Variants in DIABLO observed in about 807,000 individuals in gnomAD.
The protein encoded by DIABLO is diablo homolog, mitochondrial.
Under a neutral mutation model 31.7 loss-of-function variants are expected in DIABLO, and 32 were observed. The observed-to-expected ratio is 1.01, with a 90% CI of 0.76 to 1.35. The LOEUF is 1.35. DIABLO is among the 40% of genes most tolerant of loss of function. The pLI is 0.00. For missense variants in DIABLO, 316 were observed against 286.4 expected (o/e 1.10, Z -0.75); for synonymous variants, 132 against 103.2 (o/e 1.28, Z -1.69).
chr12:122,214,656 A>G (rs1954164621), intron 5 of DIABLO, among the ~76,000 whole-genome samples: 1 of 152,030 alleles, frequency 6.6e-6, no homozygotes, highest in Non-Finnish European at 1.5e-5. Context: ...GGCTCCAGCA[A>G]TCTGCCTGCC....
At position 122,208,565 on chromosome 12, in the gene DIABLO, G is replaced by C. The variant is rs973478698; in HGVS notation, c.536C>G (p.Ala179Gly). Reference protein sequence around the residue: ...EAAYQTGADQASITARNHIQL... With the variant: ...EAAYQTGADQGSITARNHIQL... ...AATGTGATTCCTGGCGGTTATAGAGGCCTGATCTGCGCCTGCCAAAAGATG... is the reference window on the plus strand; with the variant it reads ...AATGTGATTCCTGGCGGTTATAGAGCCCTGATCTGCGCCTGCCAAAAGATG... Residue 179 changes from alanine (A) to glycine (G), a missense_variant, in exon 6 of 6, where the codon GCC (alanine) becomes GGC (glycine). Coordinates refer to ENST00000464942, the MANE Select transcript of DIABLO (RefSeq NM_001371333.1). 3.7e-6 allele frequency: 6 copies of C among 1,612,768 alleles called. No homozygotes were observed. The highest frequency in any genetic ancestry group is 1.7e-5 in the Admixed American group (1 of 59,998).
chr12:122,217,896 C>A lies in DIABLO; in HGVS notation c.315+370G>T, dbSNP rs114498013. ...CACAGAGCAACCTCTGTTGATGGAC[C>A]ACAGGCCCCTGTGCCCTTAACTGAA... On this transcript the variant is annotated intron_variant, in intron 3 of 5. Transcript: ENST00000464942. The A allele has an allele frequency of 4.3e-3, 1,137 of 265,420 alleles. 13 individuals carry two copies. The highest frequency in any genetic ancestry group is 0.024 in the African/African-American group (1,074 of 44,284). 16.4% of individuals were successfully genotyped at this position (265,420 alleles called of 1,614,324 possible). A position where few individuals can be genotyped will look rare whatever the true frequency, so the allele number is the denominator to read the frequency against.
chr12:122,224,417 G>A, intron 2 of DIABLO, 95 bp downstream of exon 2: 1 of 1,600,828 alleles, frequency 6.2e-7, no homozygotes, highest in Non-Finnish European at 8.5e-7. Context: ...GGAGCACTGG[G>A]AAAAACTATG....
chr12:122,212,546 T>A (rs116220208), intron 5 of DIABLO, among the ~76,000 whole-genome samples: 1,967 of 152,118 alleles, frequency 0.013, 39 homozygotes, highest in African/African-American at 0.045. Context: ...GTAGGTAATC[T>A]ATTTTTTCTT....
chr12:122,225,533 C>G (rs1188349413), intron 1 of DIABLO: 5 of 1,092,962 alleles, frequency 4.6e-6, no homozygotes, highest in Non-Finnish European at 5.6e-6. Flanking sequence ...CGCCCAGGAG[C>G]CTGCAGCGCT....
At position 122,216,666 on chromosome 12, in the gene DIABLO, A is replaced by AC. The variant is rs1954219072; in HGVS notation, c.427-83dup. The AC allele has an allele frequency of 4.7e-5, 72 of 1,547,506 alleles. No homozygotes were observed. The South Asian group carries it at 7.8e-4, about 17-fold the overall frequency. ...GGACTTAAAGTAGTAGATTTAGAGAACACTGATTATATTGATTAGACTTAA... is the reference window on the plus strand; with the variant it reads ...GGACTTAAAGTAGTAGATTTAGAGAACCACTGATTATATTGATTAGACTTAA... On this transcript the variant is annotated intron_variant, in intron 4 of 5. Coordinates refer to ENST00000464942, the MANE Select transcript of DIABLO (RefSeq NM_001371333.1).
chr12:122,218,148 C>T (rs1954255491), intron 3 of DIABLO, 118 bp downstream of exon 3: 1 of 1,265,596 alleles, frequency 7.9e-7, no homozygotes, highest in Non-Finnish European at 1.1e-6. Context: ...AACACATAAA[C>T]AAATAGGCCT....
chr12:122,208,865 C>T (rs1380293678), intron 5 of DIABLO: 9 of 494,012 alleles, frequency 1.8e-5, no homozygotes, highest in African/African-American at 9.8e-5. Context: ...GCTTTTAGTA[C>T]AGACCTTTGA....
intron 3 of DIABLO, chr12:122,217,180 A>G (rs1954233846): frequency 4.8e-5 from 17 of 357,286 alleles, no homozygotes; most frequent in South Asian, 3.7e-4. Context: ...CAAATGCACA[A>G]ATGAGACTTC....
chr12:122,218,804 G>A (rs1310101716), intron 2 of DIABLO: 7 of 275,732 alleles, frequency 2.5e-5, no homozygotes, highest in Admixed American at 5.0e-5. Context: ...TAGCTGGGCC[G>A]TAGTGGTGTG....
Position 122,224,785 on chromosome 12 carries a change from A to T in DIABLO, c.51-141T>A, listed in dbSNP as rs1240082935. On this transcript the variant is annotated intron_variant, in intron 1 of 5. Coordinates refer to ENST00000464942, the MANE Select transcript of DIABLO (RefSeq NM_001371333.1). ...TGCAGGACAGCTGAGGGGTTTTGAA[A>T]TTTTCAACATACACCAAGTTTAAAA... 1.9e-6 allele frequency: 3 copies of T among 1,567,052 alleles called. No individual in the cohort carries two copies. The African/African-American group carries it at 4.1e-5, about 21-fold the overall frequency.
intron 1 of DIABLO, chr12:122,225,152 G>A (rs1365196006): frequency 1.0e-5 from 3 of 294,784 alleles, no homozygotes; most frequent in East Asian, 8.8e-5. Flanking sequence ...GGCAGAGGTT[G>A]CAGTGAGCCG....
intron 5 of DIABLO, among the ~76,000 whole-genome samples, chr12:122,210,695 A>G (rs1954066896): frequency 6.6e-6 from 1 of 151,970 alleles, no homozygotes; most frequent in South Asian, 2.1e-4. Flanking sequence ...TCAACTTTTT[A>G]AATGATTTTG....
rs1954451407 is a variant in DIABLO, at chr12:122,225,810, C to T, written c.50+155G>A. On this transcript the variant is annotated intron_variant, in intron 1 of 5. Transcript: ENST00000464942. ...ACCCAGGGGGCGGAGGCGGGGCTGT[C>T]CTCAGTCCTCCCGACCGGAGCGAGA... The T allele has an allele frequency of 1.1e-5, 17 of 1,489,908 alleles. No individual in the cohort carries two copies. In the Admixed American group the frequency reaches 3.6e-4, roughly 32 times the overall value. 92.3% of individuals were successfully genotyped at this position (1,489,908 alleles called of 1,614,324 possible). A position where few individuals can be genotyped will look rare whatever the true frequency, so the allele number is the denominator to read the frequency against.
In DIABLO at chr12:122,209,367, GAAA is replaced by G. The variant is rs890433073; in HGVS notation, c.524-793_524-791del. ...GACAGACTCCGTCTCAAAAAAAAAAGAAAAAAAGAAAAAAGGCTGGGTGCAGTG... is the reference window on the plus strand; with the variant it reads ...GACAGACTCCGTCTCAAAAAAAAAAGAAAAGAAAAAAGGCTGGGTGCAGTG... On this transcript the variant is annotated intron_variant, in intron 5 of 5. Transcript: ENST00000464942. Among the ~76,000 whole-genome samples the G allele has an allele frequency of 3.8e-5, 5 of 130,780 alleles. No homozygotes were observed. In the South Asian group the frequency reaches 1.1e-3, roughly 28 times the overall value. 85.8% of individuals were successfully genotyped at this position (130,780 alleles called of 152,430 possible). A position where few individuals can be genotyped will look rare whatever the true frequency, so the allele number is the denominator to read the frequency against.
chr12:122,225,884 G>C, intron 1 of DIABLO, 81 bp downstream of exon 1: 1 of 1,544,004 alleles, frequency 6.5e-7, no homozygotes, highest in Non-Finnish European at 8.7e-7. Flanking sequence ...AAGGAAGGCG[G>C]GCGCCGTGGG....
rs561284957 is a variant in DIABLO, at chr12:122,220,254, G to A, written c.184-1857C>T. 5.3e-5 allele frequency among the ~76,000 whole-genome samples: 8 copies of A among 151,924 alleles called. No homozygotes were observed. The East Asian group carries it at 1.6e-3, about 30-fold the overall frequency. On this transcript the variant is annotated intron_variant, in intron 2 of 5. Coordinates refer to ENST00000464942, the MANE Select transcript of DIABLO (RefSeq NM_001371333.1). Reference sequence around the variant, plus strand: ...AGCCACCATGCCCACCCTGACCTCAGCTATTTTAAAAAAGGAAAGACTAAT... The same window carrying A: ...AGCCACCATGCCCACCCTGACCTCAACTATTTTAAAAAAGGAAAGACTAAT...
chr12:122,208,507 G>A lies in DIABLO; in HGVS notation c.594C>T (p.His198=), dbSNP rs368429160. The A allele has an allele frequency of 1.3e-5, 21 of 1,614,086 alleles. No homozygotes were observed. Among genetic ancestry groups the A allele is most frequent in the Non-Finnish European group, 1.7e-5 (20 of 1,180,042 alleles). ...QLVKLQVEEV[H]QLSRKAETKL... ...TGGTTTCTGCTTTCCGGGAGAGCTG[G>A]TGCACCTCTTCCACCTGCAGTTTCA... is the stretch of plus-strand genomic sequence containing the variant. Residue 198 remains histidine, a synonymous_variant, in exon 6 of 6, where the codon CAC becomes CAT. Transcript: ENST00000464942.
chr12:122,207,749 G>A lies in DIABLO; in HGVS notation c.*632C>T, dbSNP rs1234766468. 2 of 486,334 alleles carry A rather than the reference G, an allele frequency of 4.1e-6. No homozygotes were observed. Among genetic ancestry groups the A allele is most frequent in the African/African-American group, 3.9e-5 (2 of 51,272 alleles). The allele number at this position is 486,334 out of a possible 1,614,324, so 30.1% of individuals were successfully genotyped here. Reference sequence around the variant, plus strand: ...TTTGGATACAATAGAGAAACGGAAAGAAAGGAAGGAACAAGAGGCCTGTGT... The same window carrying A: ...TTTGGATACAATAGAGAAACGGAAAAAAAGGAAGGAACAAGAGGCCTGTGT... On this transcript the variant is annotated 3_prime_UTR_variant, in exon 6 of 6. Coordinates refer to ENST00000464942, the MANE Select transcript of DIABLO (RefSeq NM_001371333.1).
Sources: gnomAD v4.1 joint callset for allele counts (sites outside exome capture counted in the v4.1 genomes callset) on GRCh38, gnomAD v4.1.1 for gene constraint, MANE v1.5 for transcripts, NCBI Gene and HGNC (gene_info 2026-07-23, HGNC 2026-07-21) for gene names.